SMIM44: variants seen among roughly 807,000 people sequenced by gnomAD.
The protein encoded by SMIM44 is small integral membrane protein 44.
chr19:3,482,588 T>C, the SMIM44 span, among the ~76,000 whole-genome samples: 1 of 152,172 alleles, frequency 6.6e-6, no homozygotes, highest in African/African-American at 2.4e-5. Context: ...CGCCCTAGTG[T>C]TTCTAATTCA....
chr19:3,483,229 T>A, the SMIM44 span: 1 of 398,518 alleles, frequency 2.5e-6, no homozygotes, highest in South Asian at 1.3e-4. Flanking sequence ...AGGTCTTTGA[T>A]GAGGTGCCCG....
the SMIM44 span, among the ~76,000 whole-genome samples, chr19:3,482,196 T>A: frequency 6.6e-6 from 1 of 152,206 alleles, no homozygotes; most frequent in African/African-American, 2.4e-5. Flanking sequence ...TGGTGCTGTC[T>A]GGGAGCTCTC....
At chr19:3,482,792 C>T in the SMIM44 span, 4 of 389,750 alleles carry the variant, frequency 1.0e-5, no homozygotes, top group Admixed American at 4.5e-5. Flanking sequence ...GTCCGGAACC[C>T]GGATTCAGGA....
the SMIM44 span, chr19:3,483,026 G>T: frequency 2.5e-6 from 1 of 398,558 alleles, no homozygotes. Context: ...CGGCCTCCTG[G>T]TCTGGCTTCG....
the SMIM44 span, among the ~76,000 whole-genome samples, chr19:3,482,543 G>A: frequency 6.6e-6 from 1 of 152,228 alleles, no homozygotes; most frequent in African/African-American, 2.4e-5. Flanking sequence ...TAAGCACTCG[G>A]TAAGGTTGGC....
At chr19:3,482,787 G>A in the SMIM44 span, 3 of 395,086 alleles carry the variant, frequency 7.6e-6, no homozygotes, top group Non-Finnish European at 1.3e-5. Flanking sequence ...AAAGCGTCCG[G>A]AACCCGGATT....
chr19:3,482,987 G>A, the SMIM44 span: 14 of 398,376 alleles, frequency 3.5e-5, no homozygotes, highest in Admixed American at 1.8e-4. Flanking sequence ...AGTCCTCGCC[G>A]GTCAGGCTGG....
the SMIM44 span, chr19:3,482,832 C>T: frequency 2.6e-6 from 1 of 390,792 alleles, no homozygotes; most frequent in Non-Finnish European, 4.5e-6. Flanking sequence ...CCAGAAGGAG[C>T]TTCGGGATGG....
chr19:3,482,607 T>A, the SMIM44 span, among the ~76,000 whole-genome samples: 2 of 152,274 alleles, frequency 1.3e-5, no homozygotes, highest in Non-Finnish European at 2.9e-5. Context: ...CACAGTTTGC[T>A]GACGGCTTGG....
At chr19:3,482,182 G>A in the SMIM44 span, among the ~76,000 whole-genome samples, 1 of 152,222 alleles carries the variant, frequency 6.6e-6, no homozygotes. Flanking sequence ...AGAGAAGGAG[G>A]CCTTGGTGCT....
chr19:3,482,685 G>T, the SMIM44 span: 1 of 396,128 alleles, frequency 2.5e-6, no homozygotes, highest in East Asian at 3.6e-5. Flanking sequence ...GAACCTGCCG[G>T]CTGGGAAGGA....
the SMIM44 span, among the ~76,000 whole-genome samples, chr19:3,482,254 G>T: frequency 1.6e-4 from 24 of 152,356 alleles, no homozygotes; most frequent in African/African-American, 5.8e-4. Flanking sequence ...AGCAAACCCA[G>T]CAGCCGAGGC....
the SMIM44 span, among the ~76,000 whole-genome samples, chr19:3,482,230 AC>A: frequency 6.6e-6 from 1 of 151,840 alleles, no homozygotes; most frequent in East Asian, 1.9e-4. Context: ...AGTCAGGACC[AC>A]CCCCCAGAGA....
chr19:3,483,112 C>T, the SMIM44 span: 1 of 398,350 alleles, frequency 2.5e-6, no homozygotes, highest in African/African-American at 2.1e-5. Flanking sequence ...CTGTCCCCTC[C>T]TCAGCTAGGA....
chr19:3,483,414 C>T, the SMIM44 span: 8 of 397,746 alleles, frequency 2.0e-5, no homozygotes, highest in Admixed American at 1.8e-4. Context: ...GGTGTCCGCC[C>T]GGCACAGGGG....
At chr19:3,482,956 G>A in the SMIM44 span, 3 of 398,306 alleles carry the variant, frequency 7.5e-6, no homozygotes, top group Non-Finnish European at 1.3e-5. Flanking sequence ...GCCAGGGCCA[G>A]CTGCAGGTCC....
At chr19:3,482,546 AG>A in the SMIM44 span, among the ~76,000 whole-genome samples, 1 of 152,346 alleles carries the variant, frequency 6.6e-6, no homozygotes, top group East Asian at 1.9e-4. Flanking sequence ...GCACTCGGTA[AG>A]GTTGGCCGAT....
chr19:3,483,063 G>GAGCT, the SMIM44 span: 1 of 398,512 alleles, frequency 2.5e-6, no homozygotes, highest in Non-Finnish European at 4.4e-6. Context: ...TGCGGCAAGG[G>GAGCT]AGCTGGTGAG....
the SMIM44 span, among the ~76,000 whole-genome samples, chr19:3,482,231 C>T: frequency 6.6e-6 from 1 of 152,184 alleles, no homozygotes; most frequent in Non-Finnish European, 1.5e-5. Flanking sequence ...GTCAGGACCA[C>T]CCCCCAGAGA....
Sources: gnomAD v4.1 joint callset for allele counts (sites outside exome capture counted in the v4.1 genomes callset) on GRCh38, gnomAD v4.1.1 for gene constraint, MANE v1.5 for transcripts, NCBI Gene and HGNC (gene_info 2026-07-23, HGNC 2026-07-21) for gene names.